Variants in TENM3 observed in about 807,000 individuals in gnomAD.
TENM3 encodes teneurin-3.
TENM3 carries 63 observed loss-of-function variants against 255.1 expected under a neutral mutation model. The observed-to-expected ratio is 0.25, with a 90% CI of 0.20 to 0.30. The LOEUF is 0.30. Ranked by LOEUF, TENM3 falls within the 10% of genes least tolerant of loss-of-function variation. The pLI is 1.00. For missense variants in TENM3, 2,929 were observed against 3,461.1 expected, an observed-to-expected ratio of 0.85 and a Z score of 3.86; for synonymous variants, 1,306 against 1,322.3, an observed-to-expected ratio of 0.99 and a Z score of 0.27.
At chr4:181,922,129 A>G in the TENM3 span, among the ~76,000 whole-genome samples, 35,891 of 151,906 alleles carry the variant, frequency 0.24, 5,551 homozygotes, top group African/African-American at 0.44. Context: ...TGCTGGATTC[A>G]GTTTGCCAGT....
chr4:182,043,125 T>C, the TENM3 span, among the ~76,000 whole-genome samples: 1 of 152,164 alleles, frequency 6.6e-6, no homozygotes, highest in Non-Finnish European at 1.5e-5. Context: ...AGAAAGGGGA[T>C]AAGAGAGAAC....
rs1302185324 is a variant in TENM3, at chr4:182,466,533, A to G, written c.511+119604A>G. ...TTTTTTGTGGAGGTGGGGTCTCCCT[A>G]TATTGCTGAGGCTGGTCTTGACTCC... is the stretch of plus-strand genomic sequence containing the variant. On this transcript the variant is annotated intron_variant, in intron 3 of 27. Coordinates refer to ENST00000511685, the MANE Select transcript of TENM3 (RefSeq NM_001080477.4). Among the ~76,000 whole-genome samples the G allele has an allele frequency of 2.0e-5, 3 of 147,744 alleles. No homozygotes were observed. The Admixed American group carries it at 2.0e-4, about 10-fold the overall frequency.
intron 6 of TENM3, among the ~76,000 whole-genome samples, chr4:182,655,470 A>G (rs1218100790): frequency 6.6e-6 from 1 of 152,204 alleles, no homozygotes; most frequent in African/African-American, 2.4e-5. Flanking sequence ...AGAGACTCCC[A>G]CAGCCTGGGT....
At chr4:181,851,393 A>G in the TENM3 span, among the ~76,000 whole-genome samples, 1 of 152,170 alleles carries the variant, frequency 6.6e-6, no homozygotes, top group Non-Finnish European at 1.5e-5. Flanking sequence ...CTCATGGGAT[A>G]GATGCTGCAT....
chr4:182,357,510 G>A (rs371079528), intron 3 of TENM3, among the ~76,000 whole-genome samples: 57 of 150,740 alleles, frequency 3.8e-4, no homozygotes, highest in African/African-American at 1.3e-3. Flanking sequence ...CTGCATAAAT[G>A]TCTTCTTTTG....
chr4:182,539,059 C>G (rs1484985104), intron 3 of TENM3, among the ~76,000 whole-genome samples: 3 of 151,172 alleles, frequency 2.0e-5, no homozygotes, highest in Non-Finnish European at 2.9e-5. Context: ...TGACACTGTG[C>G]GTATAGATGA....
chr4:182,453,762 T>TTTA (rs1773662570), intron 3 of TENM3, among the ~76,000 whole-genome samples: 1 of 152,196 alleles, frequency 6.6e-6, no homozygotes, highest in South Asian at 2.1e-4. Context: ...TGGATCTCTT[T>TTTA]TTATGCCTTT....
At chr4:182,549,144 T>C (rs1290468711) in intron 3 of TENM3, among the ~76,000 whole-genome samples, 1 of 152,236 alleles carries the variant, frequency 6.6e-6, no homozygotes, top group Non-Finnish European at 1.5e-5. Context: ...TAAATTTCCC[T>C]GGAACCATGT....
chr4:182,002,294 G>A, the TENM3 span, among the ~76,000 whole-genome samples: 2 of 152,178 alleles, frequency 1.3e-5, no homozygotes, highest in East Asian at 3.9e-4. Context: ...AGTTGATGAA[G>A]ACCAGGGGCT....
At chr4:181,856,153 AAAGGG>A in the TENM3 span, among the ~76,000 whole-genome samples, 2 of 140,098 alleles carry the variant, frequency 1.4e-5, no homozygotes, top group African/African-American at 2.7e-5. Flanking sequence ...GGAAGGAAGG[AAAGGG>A]AAGGAAAGGG....
At chr4:181,512,415 G>A in the TENM3 span, among the ~76,000 whole-genome samples, 1 of 152,146 alleles carries the variant, frequency 6.6e-6, no homozygotes, top group Non-Finnish European at 1.5e-5. Context: ...GTAAGAAAAT[G>A]CCATGGAAGA....
At chr4:181,968,105 T>C in the TENM3 span, among the ~76,000 whole-genome samples, 1 of 152,104 alleles carries the variant, frequency 6.6e-6, no homozygotes, top group Non-Finnish European at 1.5e-5. Context: ...GAAGCCCAGA[T>C]TGGGTCCCCA....
At chr4:182,171,370 T>A (rs1752095438) in intron 1 of TENM3, among the ~76,000 whole-genome samples, 1 of 152,244 alleles carries the variant, frequency 6.6e-6, no homozygotes, top group Non-Finnish European at 1.5e-5. Flanking sequence ...CTTTCCCTAA[T>A]AGAAACCTCT....
the TENM3 span, among the ~76,000 whole-genome samples, chr4:181,686,580 T>A: frequency 1.1e-4 from 17 of 152,174 alleles, no homozygotes; most frequent in African/African-American, 3.9e-4. Flanking sequence ...CACAAATAAG[T>A]AAGACGTGGC....
intron 12 of TENM3, among the ~76,000 whole-genome samples, chr4:182,706,814 A>G (rs1758312303): frequency 6.6e-6 from 1 of 151,976 alleles, no homozygotes; most frequent in Non-Finnish European, 1.5e-5. Flanking sequence ...TTAGCCAGGT[A>G]TGGTTGGGGT....
At chr4:181,691,939 C>A in the TENM3 span, among the ~76,000 whole-genome samples, 121,226 of 152,118 alleles carry the variant, frequency 0.8, 48,511 homozygotes, top group Admixed American at 0.88. Context: ...TAGTCTTTTT[C>A]ATTGTTTTCA....
chr4:182,084,768 A>C, the TENM3 span: 1 of 152,330 alleles, frequency 6.6e-6, no homozygotes, highest in Admixed American at 6.5e-5. Context: ...GACATCTTAG[A>C]AATGTAGTGG....
At chr4:181,484,228 A>G in the TENM3 span, among the ~76,000 whole-genome samples, 1 of 152,066 alleles carries the variant, frequency 6.6e-6, no homozygotes, top group Admixed American at 6.6e-5. Flanking sequence ...AAGCGGCCAC[A>G]TTAACCATCA....
chr4:181,991,163 A>T, the TENM3 span, among the ~76,000 whole-genome samples: 5 of 152,206 alleles, frequency 3.3e-5, no homozygotes, highest in Admixed American at 1.3e-4. Flanking sequence ...GAACTACTCA[A>T]CAACATATGT....
Sources: allele counts gnomAD v4.1 joint callset (sites outside exome capture counted in the v4.1 genomes callset), GRCh38; gene constraint gnomAD v4.1.1; transcripts MANE v1.5; gene names NCBI Gene and HGNC (gene_info 2026-07-23, HGNC 2026-07-21).